The following TTC23L variants were observed in gnomAD, a reference collection of about 807,000 sequenced individuals.
The protein encoded by TTC23L is tetratricopeptide repeat domain 23 like.
A neutral mutation model predicts 48.1 loss-of-function variants in TTC23L; 42 were observed. The observed-to-expected ratio is 0.87, with a 90% CI of 0.68 to 1.13. The LOEUF is 1.13. Ranked by LOEUF, TTC23L falls within the 50% of genes most tolerant of loss-of-function variation. The probability of loss-of-function intolerance (pLI) is 0.00; values close to 1 mark genes in which losing one functional copy is unlikely to be tolerated. For synonymous variants in TTC23L, 159 were observed against 157.2 expected, an observed-to-expected ratio of 1.01 and a Z score of -0.09; for missense variants, 391 against 421.0, an observed-to-expected ratio of 0.93 and a Z score of 0.62.
downstream of TTC23L, among the ~76,000 whole-genome samples, chr5:34,901,716 C>A (rs534268733): frequency 6.6e-6 from 1 of 152,140 alleles, no homozygotes; most frequent in African/African-American, 2.4e-5. Context: ...GAGCTGAGAT[C>A]ATGCAATTGC....
the TTC23L span, chr5:34,915,686 G>C: frequency 6.5e-7 from 1 of 1,531,422 alleles, no homozygotes; most frequent in Non-Finnish European, 8.8e-7. Context: ...ATCGGAAATA[G>C]GAGCGAGCGG....
chr5:34,910,183 C>G, the TTC23L span, among the ~76,000 whole-genome samples: 3 of 152,214 alleles, frequency 2.0e-5, no homozygotes, highest in Admixed American at 2.0e-4. Flanking sequence ...AATTTCAACT[C>G]CTACCTCCCT....
At chr5:34,869,211 C>G in intron 8 of TTC23L, 198 bp downstream of exon 8, 2 of 499,570 alleles carry the variant, frequency 4.0e-6, no homozygotes, top group South Asian at 2.1e-5. Context: ...ATGTCAGTAA[C>G]AAATAAATCA....
At chr5:34,845,465 C>T in intron 2 of TTC23L, 22 bp from the exon 3 acceptor site, 1 of 1,602,140 alleles carries the variant, frequency 6.2e-7, no homozygotes, top group Non-Finnish European at 8.5e-7. Flanking sequence ...ATCCTGAATC[C>T]TTGCCTCTCT....
chr5:34,915,822 G>A, the TTC23L span: 1 of 1,575,094 alleles, frequency 6.3e-7, no homozygotes, highest in Non-Finnish European at 8.6e-7. Context: ...ATGCGGAGCC[G>A]CCAGCTAAGC....
At chr5:34,904,802 G>C in the TTC23L span, among the ~76,000 whole-genome samples, 2 of 152,188 alleles carry the variant, frequency 1.3e-5, no homozygotes, top group Non-Finnish European at 2.9e-5. Context: ...TTGGAATCAA[G>C]TGTCAGGCAC....
At chr5:34,911,479 G>A in the TTC23L span, 2 of 1,514,730 alleles carry the variant, frequency 1.3e-6, no homozygotes, top group Non-Finnish European at 1.8e-6. Context: ...TAAAAATTTT[G>A]CATCCTAAGC....
intron 4 of TTC23L, among the ~76,000 whole-genome samples, chr5:34,856,753 C>G (rs1760168032): frequency 6.6e-6 from 1 of 152,208 alleles, no homozygotes; most frequent in Non-Finnish European, 1.5e-5. Flanking sequence ...CAGGTTGGTG[C>G]AGTGCCTTGG....
chr5:34,915,742 G>A, the TTC23L span: 1 of 1,600,874 alleles, frequency 6.2e-7, no homozygotes, highest in South Asian at 1.1e-5. Context: ...AGGCAAGATG[G>A]CGGCAACCAA....
intron 8 of TTC23L, among the ~76,000 whole-genome samples, chr5:34,876,938 T>A (rs997781949): frequency 1.5e-4 from 23 of 151,714 alleles, no homozygotes; most frequent in African/African-American, 5.6e-4. Context: ...GTATACCTAG[T>A]AACAAACCTG....
chr5:34,889,615 T>A (rs1443496609), intron 9 of TTC23L, among the ~76,000 whole-genome samples: 1 of 152,120 alleles, frequency 6.6e-6, no homozygotes, highest in East Asian at 1.9e-4. Context: ...CCTCTGTCAA[T>A]AATTCCTGTG....
chr5:34,846,795 G>A (rs1355578006), intron 3 of TTC23L, among the ~76,000 whole-genome samples: 1 of 151,158 alleles, frequency 6.6e-6, no homozygotes, highest in African/African-American at 2.4e-5. Context: ...CAGGTAGGCA[G>A]GCAGGTCTAA....
the TTC23L span, chr5:34,922,048 A>G: frequency 2.4e-6 from 1 of 409,538 alleles, no homozygotes; most frequent in Admixed American, 4.3e-5. Flanking sequence ...AGAATACCTA[A>G]GAGGAACTTT....
At chr5:34,904,748 G>A in the TTC23L span, among the ~76,000 whole-genome samples, 81 of 152,174 alleles carry the variant, frequency 5.3e-4, no homozygotes, top group South Asian at 2.1e-4. Context: ...AGTCAGCCAC[G>A]GCAACCAAAA....
chr5:34,915,907 G>A, the TTC23L span: 4 of 1,545,164 alleles, frequency 2.6e-6, no homozygotes, highest in Non-Finnish European at 3.5e-6. Context: ...GGTAGGAGGG[G>A]ATGTCCCCGG....
intron 5 of TTC23L, among the ~76,000 whole-genome samples, chr5:34,864,134 G>A (rs1469905714): frequency 6.6e-6 from 1 of 152,108 alleles, no homozygotes; most frequent in African/African-American, 2.4e-5. Context: ...CTATTGTCAT[G>A]CAGTAGATGC....
chr5:34,842,560 T>TA (rs1313575281), intron 2 of TTC23L, among the ~76,000 whole-genome samples: 32 of 152,150 alleles, frequency 2.1e-4, no homozygotes, highest in African/African-American at 7.0e-4. Context: ...CACAGCCCTC[T>TA]GTATTTATTA....
intron 9 of TTC23L, among the ~76,000 whole-genome samples, chr5:34,881,797 T>G (rs200381610): frequency 6.7e-6 from 1 of 148,566 alleles, no homozygotes; most frequent in African/African-American, 2.5e-5. Context: ...ACAGAGTCAC[T>G]CTGTTGCCCA....
At chr5:34,880,234 G>T (rs771520055) in exon 9 of TTC23L, 1 of 1,613,188 alleles carries the variant, frequency 6.2e-7, no homozygotes, top group South Asian at 1.1e-5. Context: ...AGCAACATTG[G>T]GCTCAGAGGA....
Sources: allele counts gnomAD v4.1 joint callset (sites outside exome capture counted in the v4.1 genomes callset), GRCh38; gene constraint gnomAD v4.1.1; transcripts MANE v1.5; gene names NCBI Gene and HGNC (gene_info 2026-07-23, HGNC 2026-07-21).